DACH2: variants seen among roughly 807,000 people sequenced by gnomAD.
DACH2 encodes dachshund family transcription factor 2, also known as dachshund homolog 2.
In DACH2, 17 loss-of-function variants were observed where a neutral mutation model predicts 35.8. That is an observed-to-expected ratio of 0.48 (90% CI 0.33 to 0.71). The LOEUF is 0.71. Ranked by LOEUF, DACH2 falls within the 30% of genes least tolerant of loss-of-function variation. The pLI is 0.02. For synonymous variants in DACH2, 195 were observed against 177.3 expected, an observed-to-expected ratio of 1.10 and a Z score of -0.79; for missense variants, 469 against 472.7, an observed-to-expected ratio of 0.99 and a Z score of 0.07.
At chrX:86,371,599 GT>G (rs922288841) in intron 1 of DACH2, among the ~76,000 whole-genome samples, 3 of 108,539 alleles carry the variant, frequency 2.8e-5, no homozygotes, top group South Asian at 3.9e-4. Flanking sequence ...ATATCCTCAG[GT>G]TTTTTTTTCT....
At chrX:86,292,811 TC>T (rs2034336371) in intron 1 of DACH2, among the ~76,000 whole-genome samples, 1 of 111,071 alleles carries the variant, frequency 9.0e-6, no homozygotes. Flanking sequence ...TAATTTCTAT[TC>T]TTTTACATTT....
At chrX:86,345,892 T>A (rs1431223508) in intron 1 of DACH2, among the ~76,000 whole-genome samples, 2 of 112,386 alleles carry the variant, frequency 1.8e-5, no homozygotes, top group Admixed American at 1.9e-4. Context: ...TGCTTATTGC[T>A]AGCAATCTAC....
intron 3 of DACH2, among the ~76,000 whole-genome samples, chrX:86,579,875 T>A (rs759674585): frequency 3.6e-5 from 4 of 112,525 alleles, no homozygotes; most frequent in Non-Finnish European, 5.6e-5. Flanking sequence ...ACAGCCTACA[T>A]GCGTGCAGCC....
intron 1 of DACH2, among the ~76,000 whole-genome samples, chrX:86,364,158 G>C (rs768480276): frequency 9.0e-6 from 1 of 110,971 alleles, no homozygotes; most frequent in African/African-American, 3.3e-5. Flanking sequence ...TTTTATTTTT[G>C]TTTGCCGCAA....
At chrX:86,389,158 G>A (rs1248692739) in intron 2 of DACH2, among the ~76,000 whole-genome samples, 1 of 111,577 alleles carries the variant, frequency 9.0e-6, no homozygotes, top group Non-Finnish European at 1.9e-5. Flanking sequence ...ATTCACTACA[G>A]TTTTCCACCA....
chrX:86,797,472 C>A (rs866108868), intron 7 of DACH2, among the ~76,000 whole-genome samples: 13 of 110,758 alleles, frequency 1.2e-4, no homozygotes, highest in Middle Eastern at 4.7e-3. Flanking sequence ...GAAAAAAATT[C>A]TCAAGTACTA....
chrX:86,543,956 G>T (rs1367038578), intron 3 of DACH2, among the ~76,000 whole-genome samples: 1 of 109,759 alleles, frequency 9.1e-6, no homozygotes, highest in Admixed American at 9.8e-5. Context: ...TGCACATTGT[G>T]CACATGTACC....
At chrX:86,791,961 G>A (rs576979231) in intron 7 of DACH2, among the ~76,000 whole-genome samples, 4 of 111,729 alleles carry the variant, frequency 3.6e-5, no homozygotes, top group Middle Eastern at 4.6e-3. Context: ...TTTGAAGAAC[G>A]TATTTTAGTA....
chrX:86,314,341 A>G (rs1368660661), intron 1 of DACH2, among the ~76,000 whole-genome samples: 1 of 110,622 alleles, frequency 9.0e-6, no homozygotes, highest in Non-Finnish European at 1.9e-5. Flanking sequence ...ATATAGCAAA[A>G]CCTCATCTCT....
chrX:86,541,130 C>T (rs1248813883), intron 3 of DACH2, among the ~76,000 whole-genome samples: 1 of 111,858 alleles, frequency 8.9e-6, no homozygotes, highest in Non-Finnish European at 1.9e-5. Context: ...TCCTTTCTTG[C>T]TTTGAAATCA....
At chrX:86,698,502 TTTG>T (rs1280844043) in intron 5 of DACH2, among the ~76,000 whole-genome samples, 3 of 99,421 alleles carry the variant, frequency 3.0e-5, no homozygotes, top group Non-Finnish European at 6.0e-5. Flanking sequence ...ATTTCTTCTT[TTTG>T]TTTTGTTAGT....
At chrX:86,788,934 A>C (rs1368083326) in intron 7 of DACH2, among the ~76,000 whole-genome samples, 2 of 111,632 alleles carry the variant, frequency 1.8e-5, no homozygotes, top group Non-Finnish European at 3.8e-5. Context: ...GGTACATCTA[A>C]GTACACTTTC....
At chrX:86,628,356 T>C (rs189758784) in intron 3 of DACH2, among the ~76,000 whole-genome samples, 31 of 112,108 alleles carry the variant, frequency 2.8e-4, no homozygotes, top group African/African-American at 1.0e-3. Flanking sequence ...TGAACATTGA[T>C]TCTTAAGATA....
chrX:86,421,137 A>G (rs1334671225), intron 2 of DACH2, among the ~76,000 whole-genome samples: 1 of 111,774 alleles, frequency 8.9e-6, no homozygotes, highest in Non-Finnish European at 1.9e-5. Context: ...CAGAATAAGT[A>G]AATTATAAAT....
At chrX:86,465,135 T>C (rs1380659167) in intron 2 of DACH2, among the ~76,000 whole-genome samples, 1 of 112,117 alleles carries the variant, frequency 8.9e-6, no homozygotes, top group African/African-American at 3.2e-5. Context: ...AAAATTACAC[T>C]AAATTTTAAT....
At chrX:86,542,806 C>A (rs2038903962) in intron 3 of DACH2, among the ~76,000 whole-genome samples, 1 of 111,786 alleles carries the variant, frequency 8.9e-6, no homozygotes, top group Non-Finnish European at 1.9e-5. Context: ...CCTAGCTTCT[C>A]AGACATCACA....
intron 3 of DACH2, among the ~76,000 whole-genome samples, chrX:86,569,439 G>T (rs1158372199): frequency 1.8e-5 from 2 of 110,950 alleles, no homozygotes; most frequent in African/African-American, 6.5e-5. Context: ...AAACCAAATT[G>T]AAATGAAAAT....
chrX:86,168,892 C>T (rs748980802), intron 1 of DACH2, among the ~76,000 whole-genome samples: 1 of 110,588 alleles, frequency 9.0e-6, no homozygotes. Flanking sequence ...TTCATTGGTT[C>T]GTTGTTTAGT....
At chrX:86,161,365 C>T (rs1602243409) in intron 1 of DACH2, 14 of 1,026,459 alleles carry the variant, frequency 1.4e-5, no homozygotes, top group Admixed American at 2.9e-5. Flanking sequence ...TTAATGGATA[C>T]AGTAGTCATT....
Sources: gnomAD v4.1 joint callset for allele counts (sites outside exome capture counted in the v4.1 genomes callset) on GRCh38, gnomAD v4.1.1 for gene constraint, MANE v1.5 for transcripts, NCBI Gene and HGNC (gene_info 2026-07-23, HGNC 2026-07-21) for gene names.